RBFOX1: variants seen among roughly 807,000 people sequenced by gnomAD.
The protein encoded by RBFOX1 is RNA binding protein fox-1 homolog 1.
RBFOX1 carries 8 observed loss-of-function variants against 57.7 expected under a neutral mutation model. That is an observed-to-expected ratio of 0.14 (90% CI 0.08 to 0.25). RBFOX1 has a LOEUF of 0.25. Among genes scored for constraint, RBFOX1 ranks in the 10% least tolerant of loss-of-function variants. RBFOX1 has a pLI of 1.00. For missense variants in RBFOX1, 611 were observed against 548.5 expected (o/e 1.11, Z -1.14); for synonymous variants, 326 against 222.4 (o/e 1.47, Z -4.15).
At chr16:7,121,560 A>AAAAAGC (rs1008656445) in intron 4 of RBFOX1, among the ~76,000 whole-genome samples, 10 of 152,092 alleles carry the variant, frequency 6.6e-5, no homozygotes, top group Non-Finnish European at 1.3e-4. Flanking sequence ...TGTGAAATTA[A>AAAAAGC]AAAAGCAAAT....
At chr16:5,507,643 C>T (rs927761172) in intron 2 of RBFOX1, among the ~76,000 whole-genome samples, 3 of 152,192 alleles carry the variant, frequency 2.0e-5, no homozygotes, top group Non-Finnish European at 4.4e-5. Flanking sequence ...GCAGTATAAT[C>T]CAGTTAAGAT....
At chr16:7,221,257 C>T (rs372519809) in intron 4 of RBFOX1, among the ~76,000 whole-genome samples, 1 of 152,196 alleles carries the variant, frequency 6.6e-6, no homozygotes, top group Admixed American at 6.5e-5. Flanking sequence ...GGCTTCATAG[C>T]CACAAGGAGG....
chr16:5,775,007 G>A lies in RBFOX1; in HGVS notation c.319-92296G>A, dbSNP rs546736232. Among the ~76,000 whole-genome samples the A allele has an allele frequency of 9.9e-5, 15 of 152,246 alleles. 1 individual carries two copies. The Middle Eastern group carries it at 0.01, about 104-fold the overall frequency. On this transcript the variant is annotated intron_variant, in intron 3 of 19. Coordinates refer to the RBFOX1 transcript ENST00000641259. ...TCAGAGGATTTAAAATCAATTTTAA[G>A]AATGGCAATCCCCTTCGCTTTTCCC... is the stretch of plus-strand genomic sequence containing the variant.
intron 3 of RBFOX1, among the ~76,000 whole-genome samples, chr16:5,763,402 G>A (rs904556070): frequency 6.6e-6 from 1 of 152,186 alleles, no homozygotes; most frequent in South Asian, 2.1e-4. Flanking sequence ...GTGTGTCCTC[G>A]GGCTGGGCTG....
chr16:6,834,891 A>ATTTTTTTTTTTTTTTTTTTTTTTTTT (rs71147607), intron 3 of RBFOX1, among the ~76,000 whole-genome samples: 1 of 118,970 alleles, frequency 8.4e-6, no homozygotes, highest in Non-Finnish European at 1.7e-5. Flanking sequence ...TGACTTCTCT[A>ATTTTTTTTTTTTTTTTTTTTTTTTTT]TTTTTTTTTT....
intron 3 of RBFOX1, among the ~76,000 whole-genome samples, chr16:6,935,421 G>A (rs1176171743): frequency 1.3e-5 from 2 of 152,120 alleles, no homozygotes; most frequent in Non-Finnish European, 2.9e-5. Flanking sequence ...TCATAAAAAG[G>A]AAATCTTTTT....
At chr16:7,493,573 G>A (rs1020139196) in intron 4 of RBFOX1, among the ~76,000 whole-genome samples, 1 of 144,148 alleles carries the variant, frequency 6.9e-6, no homozygotes, top group Non-Finnish European at 1.5e-5. Flanking sequence ...GAACACAGAG[G>A]TGTAGAGTCA....
chr16:7,153,363 C>G (rs1045648415), intron 4 of RBFOX1, among the ~76,000 whole-genome samples: 1 of 152,020 alleles, frequency 6.6e-6, no homozygotes, highest in African/African-American at 2.4e-5. Flanking sequence ...TAAATGCAAC[C>G]TTTTATTTTA....
At chr16:7,413,293 C>T (rs998731956) in intron 4 of RBFOX1, among the ~76,000 whole-genome samples, 2 of 152,076 alleles carry the variant, frequency 1.3e-5, no homozygotes, top group Non-Finnish European at 2.9e-5. Context: ...ATTCCTCTCC[C>T]CTGGCCACCC....
chr16:7,041,640 C>A (rs1050365415), intron 3 of RBFOX1, among the ~76,000 whole-genome samples: 17 of 152,140 alleles, frequency 1.1e-4, no homozygotes, highest in African/African-American at 3.1e-4. Flanking sequence ...CAATTTACCA[C>A]CCTTCTTAAA....
intron 4 of RBFOX1, among the ~76,000 whole-genome samples, chr16:5,916,196 C>CA (rs5815272): frequency 0.35 from 53,638 of 151,784 alleles, 9,692 homozygotes; most frequent in Middle Eastern, 0.5. Flanking sequence ...GACACTCTAG[C>CA]AAAAAAACCC....
At chr16:6,871,856 T>C (rs1414906420) in intron 3 of RBFOX1, among the ~76,000 whole-genome samples, 2 of 151,788 alleles carry the variant, frequency 1.3e-5, no homozygotes, top group African/African-American at 4.8e-5. Context: ...GTGTCCTAAA[T>C]CCGCATCTGA....
intron 3 of RBFOX1, among the ~76,000 whole-genome samples, chr16:6,895,684 G>C (rs1221295718): frequency 6.6e-6 from 1 of 151,544 alleles, no homozygotes; most frequent in African/African-American, 2.4e-5. Flanking sequence ...GTACCTGATG[G>C]AAGAAATAAA....
intron 4 of RBFOX1, among the ~76,000 whole-genome samples, chr16:7,452,242 C>T (rs577990835): frequency 6.6e-6 from 1 of 152,272 alleles, no homozygotes; most frequent in South Asian, 2.1e-4. Context: ...TTGGTTAAAG[C>T]ACTTTAGTAA....
chr16:6,083,436 A>T (rs1336696578), intron 1 of RBFOX1, among the ~76,000 whole-genome samples: 3 of 152,106 alleles, frequency 2.0e-5, no homozygotes, highest in African/African-American at 7.2e-5. Flanking sequence ...TTTCAACTGC[A>T]TATCATTACT....
chr16:7,160,209 T>A (rs1283369219), intron 4 of RBFOX1, among the ~76,000 whole-genome samples: 1 of 152,018 alleles, frequency 6.6e-6, no homozygotes, highest in Non-Finnish European at 1.5e-5. Flanking sequence ...TTTTTTTTAA[T>A]AAAGTACAGC....
At chr16:6,802,891 G>T (rs1274407107) in intron 3 of RBFOX1, among the ~76,000 whole-genome samples, 1 of 152,166 alleles carries the variant, frequency 6.6e-6, no homozygotes, top group Non-Finnish European at 1.5e-5. Flanking sequence ...TAGTGGAATT[G>T]TGCAAAGAAG....
intron 2 of RBFOX1, among the ~76,000 whole-genome samples, chr16:6,473,027 AT>A (rs1326294856): frequency 6.6e-6 from 1 of 152,148 alleles, no homozygotes; most frequent in African/African-American, 2.4e-5. Context: ...TACAAGATGT[AT>A]GCTGGTATAA....
chr16:5,330,549 T>C (rs4786023), intron 1 of RBFOX1, among the ~76,000 whole-genome samples: 132,588 of 151,852 alleles, frequency 0.87, 60,788 homozygotes, highest in East Asian at 1. Flanking sequence ...ACTACAGGTG[T>C]GCGTGCTACC....
Sources: gnomAD v4.1 joint callset for allele counts (sites outside exome capture counted in the v4.1 genomes callset) on GRCh38, gnomAD v4.1.1 for gene constraint, MANE v1.5 for transcripts, NCBI Gene and HGNC (gene_info 2026-07-23, HGNC 2026-07-21) for gene names.